The following BTD variants were observed in gnomAD, a reference collection of about 807,000 sequenced individuals.
The protein encoded by BTD is biocytinase.
BTD carries 13 observed loss-of-function variants against 17.7 expected under a neutral mutation model. That is an observed-to-expected ratio of 0.74 (90% CI 0.48 to 1.17). The LOEUF (loss-of-function observed/expected upper bound fraction) is 1.17. Among genes scored for constraint, BTD ranks in the 50% most tolerant of loss-of-function variants. The probability of loss-of-function intolerance (pLI) is 0.00; values close to 1 mark genes in which losing one functional copy is unlikely to be tolerated. For synonymous variants in BTD, 240 were observed against 245.2 expected, an observed-to-expected ratio of 0.98 and a Z score of 0.20; for missense variants, 674 against 650.4, an observed-to-expected ratio of 1.04 and a Z score of -0.39.
At chr3:15,684,109 C>G (rs1181053305) in intron 3 of BTD, 2 of 152,134 alleles carry the variant, frequency 1.3e-5, no homozygotes, top group Admixed American at 6.6e-5. Context: ...TCTACTAAAG[C>G]CTGAAGCTTG....
At position 15,663,003 on chromosome 3, in the gene BTD, A is replaced by AT. The variant is rs920903461; in HGVS notation, c.399+20957dup. ...TACTGCATCTATGTTCATGAGAAAT[A>AT]TTTTTTTTTTTGAGACGGAGTTTCG... is the stretch of plus-strand genomic sequence containing the variant. On this transcript the variant is annotated intron_variant, in intron 3 of 3. Coordinates refer to the BTD transcript ENST00000672141. Among the ~76,000 whole-genome samples the AT allele has an allele frequency of 5.7e-4, 84 of 146,122 alleles. 2 individuals are homozygous for AT. The highest frequency in any genetic ancestry group is 1.0e-3 in the East Asian group (5 of 4,998).
exon 4 of BTD, chr3:15,712,114 C>A (rs1421321022): frequency 3.2e-6 from 5 of 1,548,892 alleles, no homozygotes; most frequent in Non-Finnish European, 4.4e-6. Context: ...AGGAGACATA[C>A]AAAAGGCTGC....
Position 15,631,412 on chromosome 3 carries a change from C to T in BTD, c.-16-4012C>T, listed in dbSNP as rs1355532714. On this transcript the variant is annotated intron_variant, in intron 1 of 3. Transcript: ENST00000643237. ...TAAGAATGCCTTAATAATAATCCCT[C>T]TCATTTTATTTCAGAAGACACTATT... 9.2e-6 allele frequency: 14 copies of T among 1,514,202 alleles called. No individual in the cohort carries two copies. In the Middle Eastern group the frequency reaches 5.1e-4, roughly 55 times the overall value. 93.8% of individuals were successfully genotyped at this position (1,514,202 alleles called of 1,614,324 possible).
chr3:15,660,544 T>C (rs928362516), intron 3 of BTD, among the ~76,000 whole-genome samples: 14 of 152,368 alleles, frequency 9.2e-5, no homozygotes, highest in African/African-American at 3.4e-4. Context: ...ATCACATTTA[T>C]TGTGTTTATA....
At chr3:15,674,313 G>A (rs1250081451) in intron 3 of BTD, among the ~76,000 whole-genome samples, 2 of 152,078 alleles carry the variant, frequency 1.3e-5, no homozygotes, top group Non-Finnish European at 2.9e-5. Flanking sequence ...TTTAGAGGTG[G>A]AGTCAATAGT....
chr3:15,640,716 G>A (rs138142299), intron 2 of BTD, among the ~76,000 whole-genome samples: 265 of 151,946 alleles, frequency 1.7e-3, no homozygotes, highest in African/African-American at 6.2e-3. Context: ...CTTAATGAGG[G>A]AAGTCAAGAT....
Position 15,678,409 on chromosome 3 carries a change from G to A in BTD, c.400-31651G>A, listed in dbSNP as rs2067183708. On this transcript the variant is annotated intron_variant, in intron 3 of 3. Transcript: ENST00000672141. ...CTAAATTTGAATGTTATATATGCTG[G>A]AAAAATATTCTTTAATTTGTGACAT... is the stretch of plus-strand genomic sequence containing the variant. The A allele has an allele frequency of 3.1e-5, 46 of 1,494,162 alleles. No homozygotes were observed. In the South Asian group the frequency reaches 4.7e-4, roughly 15 times the overall value. The allele number at this position is 1,494,162 out of a possible 1,614,324, so 92.6% of individuals were successfully genotyped here.
chr3:15,689,958 G>A (rs897656563), intron 3 of BTD: 9 of 1,392,444 alleles, frequency 6.5e-6, no homozygotes, highest in Middle Eastern at 1.9e-4. Context: ...TTATATATCA[G>A]AAATTGAAAA....
exon 5 of BTD, among the ~76,000 whole-genome samples, chr3:15,722,284 C>A (rs747330282): frequency 2.0e-5 from 3 of 152,058 alleles, no homozygotes; most frequent in Non-Finnish European, 4.4e-5. Flanking sequence ...TAATGGAGCC[C>A]CAATAAAAAC....
chr3:15,680,677 A>G (rs1000092548), intron 3 of BTD, among the ~76,000 whole-genome samples: 1 of 151,938 alleles, frequency 6.6e-6, no homozygotes, highest in Non-Finnish European at 1.5e-5. Context: ...TATTAAAACA[A>G]TTTTTTGAGA....
chr3:15,615,384 G>A (rs2064764134), intron 1 of BTD, among the ~76,000 whole-genome samples: 1 of 152,166 alleles, frequency 6.6e-6, no homozygotes, highest in East Asian at 1.9e-4. Flanking sequence ...CAGGCAGGCA[G>A]ATATTTGTTT....
rs191879603 is a variant in BTD, at chr3:15,637,880, C to T, written c.249+2192C>T. Among the ~76,000 whole-genome samples, 9 of 152,316 alleles carry T rather than the reference C, an allele frequency of 5.9e-5. No homozygotes were observed. The East Asian group carries it at 9.6e-4, about 16-fold the overall frequency. On this transcript the variant is annotated intron_variant, in intron 2 of 3. Coordinates refer to ENST00000643237, the MANE Select transcript of BTD (RefSeq NM_001370658.1). ...CTGCCCCCAGAGGAAACACTTAACA[C>T]GGTTTTGTTGAAACCACGCCAGCTG...
rs1204599121 is a variant in BTD at position 15,601,899 on chromosome 3, G to T, written c.-17+5G>T. Reference sequence around the variant, plus strand: ...CGGAAGGCGCGCTAAGAGCAGGTACGGAGGGGGCGTGGTGCGGCGCGGAGG... The same window carrying T: ...CGGAAGGCGCGCTAAGAGCAGGTACTGAGGGGGCGTGGTGCGGCGCGGAGG... On this transcript the variant is annotated splice_donor_5th_base_variant and intron_variant, in intron 1 of 3. Transcript: ENST00000643237. 1 of 1,613,708 alleles carries T rather than the reference G, an allele frequency of 6.2e-7. No individual in the cohort carries two copies. Among genetic ancestry groups the T allele is most frequent in the South Asian group, 1.1e-5 (1 of 91,044 alleles).
chr3:15,603,581 C>T (rs774429630), intron 1 of BTD, among the ~76,000 whole-genome samples: 14 of 152,052 alleles, frequency 9.2e-5, no homozygotes, highest in East Asian at 1.9e-4. Flanking sequence ...GGTGTGAACC[C>T]GGGAGGCAGA....
intron 1 of BTD, among the ~76,000 whole-genome samples, chr3:15,610,554 A>T (rs953280834): frequency 5.9e-5 from 9 of 152,190 alleles, no homozygotes; most frequent in Non-Finnish European, 1.3e-4. Flanking sequence ...CATCCCAGTG[A>T]TACATAATTT....
At chr3:15,678,272 C>G in intron 3 of BTD, 2 of 1,613,032 alleles carry the variant, frequency 1.2e-6, no homozygotes, top group Non-Finnish European at 1.7e-6. Context: ...GTAGAGTCCA[C>G]AGAATTGACT....
intron 4 of BTD, among the ~76,000 whole-genome samples, chr3:15,719,916 G>A (rs1018871247): frequency 2.0e-5 from 3 of 152,078 alleles, no homozygotes; most frequent in South Asian, 2.1e-4. Flanking sequence ...TGTCACCCAG[G>A]CTGGAGGGCA....
At chr3:15,667,296 A>C (rs3732719) in intron 3 of BTD, 2 of 152,238 alleles carry the variant, frequency 1.3e-5, no homozygotes, top group African/African-American at 4.8e-5. Flanking sequence ...AATTAACCCC[A>C]AAATTTACAG....
rs1035348312 is a variant in BTD at position 15,650,557 on chromosome 3, G to A, written c.*5069G>A. ...TGGACACAGTATCACACTCTACTCT[G>A]CACTCTTCTTTATCATTTTCTCCCA... On this transcript the variant is annotated 3_prime_UTR_variant, in exon 4 of 4. Coordinates refer to ENST00000643237, the MANE Select transcript of BTD (RefSeq NM_001370658.1). Among the ~76,000 whole-genome samples the A allele has an allele frequency of 1.3e-5, 2 of 152,048 alleles. No homozygotes were observed. The highest frequency in any genetic ancestry group is 4.8e-5 in the African/African-American group (2 of 41,392).
Sources: gnomAD v4.1 joint callset for allele counts (sites outside exome capture counted in the v4.1 genomes callset) on GRCh38, gnomAD v4.1.1 for gene constraint, MANE v1.5 for transcripts, NCBI Gene and HGNC (gene_info 2026-07-23, HGNC 2026-07-21) for gene names.